Variants in TRIM37 observed in about 807,000 individuals in gnomAD.
The protein encoded by TRIM37 is E3 ubiquitin-protein ligase TRIM37.
Under a neutral mutation model 129.8 loss-of-function variants are expected in TRIM37, and 80 were observed. The ratio of observed to expected loss-of-function variants is 0.62; its 90% CI spans 0.51 to 0.74. The LOEUF is 0.74. Ranked by LOEUF, TRIM37 falls within the 30% of genes least tolerant of loss-of-function variation. The pLI is 0.00. For synonymous variants in TRIM37, 389 were observed against 387.1 expected (o/e 1.00, Z -0.06); for missense variants, 1,054 against 1,176.5 (o/e 0.90, Z 1.52).
At chr17:59,066,971 T>C (rs2041963823) in intron 9 of TRIM37, among the ~76,000 whole-genome samples, 1 of 152,206 alleles carries the variant, frequency 6.6e-6, no homozygotes, top group South Asian at 2.1e-4. Context: ...GAGTTGGAAA[T>C]ATTTGCTCAA....
intron 13 of TRIM37, among the ~76,000 whole-genome samples, chr17:59,055,685 CAA>C (rs934273591): frequency 5.0e-4 from 12 of 23,846 alleles, no homozygotes; most frequent in African/African-American, 1.5e-3. Flanking sequence ...GACTCCATCT[CAA>C]AAAAAAAAAA....
Position 59,064,394 on chromosome 17 carries a change from G to A in TRIM37, c.821C>T (p.Pro274Leu). Residue 274 changes from proline to leucine, a missense_variant, in exon 10 of 24, where the codon CCA becomes CTA. This residue lies in a region of TRIM37 where 752 missense variants were observed against 870.8 expected (regional missense o/e 0.86). Coordinates refer to ENST00000262294, the MANE Select transcript of TRIM37 (RefSeq NM_015294.6). ...VPPDFTSELVPSYDSATFVLE... is the reference protein window; with the variant it reads ...VPPDFTSELVLSYDSATFVLE... Reference sequence around the variant, plus strand: ...AACAAAAGTAGCTGAATCGTAAGATGGCACTAATTCACTAAAAAAAAAAAG... The same window carrying A: ...AACAAAAGTAGCTGAATCGTAAGATAGCACTAATTCACTAAAAAAAAAAAG... The A allele has an allele frequency of 6.3e-7, 1 of 1,594,548 alleles. No individual in the cohort carries two copies. Among genetic ancestry groups the A allele is most frequent in the Non-Finnish European group, 8.5e-7 (1 of 1,170,202 alleles).
intron 23 of TRIM37, among the ~76,000 whole-genome samples, chr17:59,000,374 C>A (rs757820282): frequency 6.6e-6 from 1 of 152,042 alleles, no homozygotes; most frequent in Non-Finnish European, 1.5e-5. Flanking sequence ...CCAAGGTGGG[C>A]AGATCACCTG....
intron 5 of TRIM37, among the ~76,000 whole-genome samples, chr17:59,082,287 A>G (rs894603609): frequency 2.0e-5 from 3 of 152,018 alleles, no homozygotes; most frequent in Non-Finnish European, 2.9e-5. Context: ...ACAAAACAAA[A>G]CAAATAATAA....
intron 9 of TRIM37, 85 bp downstream of exon 9, chr17:59,070,738 T>TAAAA: frequency 8.5e-7 from 1 of 1,177,174 alleles, no homozygotes; most frequent in Admixed American, 2.2e-5. Flanking sequence ...GAGATGGCAT[T>TAAAA]AAAAAAAAAA....
chr17:59,028,836 G>GT (rs1160744595), intron 18 of TRIM37, 113 bp from the exon 19 acceptor site: 6 of 1,063,682 alleles, frequency 5.6e-6, no homozygotes, highest in Non-Finnish European at 8.4e-6. Context: ...GCTTTACGTG[G>GT]TATCAACAAT....
At chr17:59,031,775 T>C in intron 18 of TRIM37, 121 bp downstream of exon 18, 2 of 982,228 alleles carry the variant, frequency 2.0e-6, no homozygotes, top group Non-Finnish European at 3.0e-6. Context: ...TTTTATGGTA[T>C]ACAATGAAAA....
the TRIM37 span, chr17:58,972,159 G>A: frequency 6.2e-7 from 1 of 1,614,040 alleles, no homozygotes; most frequent in Non-Finnish European, 8.5e-7. Context: ...CACAGGAGTG[G>A]TGACTTTCAT....
chr17:59,052,967 C>CAAATCAAATG (rs2040495350), intron 13 of TRIM37, among the ~76,000 whole-genome samples: 1 of 150,834 alleles, frequency 6.6e-6, no homozygotes, highest in Non-Finnish European at 1.5e-5. Context: ...AAAATCAAAT[C>CAAATCAAATG]AAATCAAATC....
downstream of TRIM37, chr17:58,982,095 A>G (rs1290582236): frequency 6.6e-6 from 1 of 152,664 alleles, no homozygotes; most frequent in Non-Finnish European, 1.5e-5. Context: ...AGTATTGTCT[A>G]AAGTGAGCCC....
At position 59,058,953 on chromosome 17, in the gene TRIM37, A is replaced by T. The variant is rs1428664263; in HGVS notation, c.1020-1899T>A. Among the ~76,000 whole-genome samples, 3 of 152,262 alleles carry T rather than the reference A, an allele frequency of 2.0e-5. No individual in the cohort carries two copies. The East Asian group carries it at 5.8e-4, about 29-fold the overall frequency. ...AATTTTCAGGTTTACAAAAAGACAA[A>T]GAAGATAGCCTATAAACTTTTGTGC... On this transcript the variant is annotated intron_variant, in intron 12 of 23. Coordinates refer to ENST00000262294, the MANE Select transcript of TRIM37 (RefSeq NM_015294.6).
intron 17 of TRIM37, among the ~76,000 whole-genome samples, chr17:59,039,120 C>T (rs2145827082): frequency 6.6e-6 from 1 of 152,280 alleles, no homozygotes; most frequent in South Asian, 2.1e-4. Context: ...GTTCAGTCCC[C>T]ACTCCAAAGT....
chr17:59,020,510 A>G (rs1308082572), intron 19 of TRIM37, among the ~76,000 whole-genome samples: 1 of 152,098 alleles, frequency 6.6e-6, no homozygotes, highest in Non-Finnish European at 1.5e-5. Flanking sequence ...AAATTTAAAG[A>G]CCCAAATATA....
chr17:59,084,094 A>C lies in TRIM37; in HGVS notation c.282-5T>G. 1 of 1,603,276 alleles carries C rather than the reference A, an allele frequency of 6.2e-7. No homozygotes were observed. Among genetic ancestry groups the C allele is most frequent in the Non-Finnish European group, 8.5e-7 (1 of 1,171,058 alleles). On this transcript the variant is annotated splice_polypyrimidine_tract_variant and splice_region_variant and intron_variant, in intron 4 of 23. Coordinates refer to ENST00000262294, the MANE Select transcript of TRIM37 (RefSeq NM_015294.6). ...TTTTCATGGTGATTTTCACATCTAT[A>C]CATTATGAAAAGAAAATGAAGTTAT... is the stretch of plus-strand genomic sequence containing the variant.
chr17:59,018,282 A>C (rs2036188022), intron 19 of TRIM37, among the ~76,000 whole-genome samples: 1 of 152,198 alleles, frequency 6.6e-6, no homozygotes, highest in Non-Finnish European at 1.5e-5. Context: ...CTGCCCTTGA[A>C]TTCAGCCTGC....
intron 2 of TRIM37, 21 bp from the exon 3 acceptor site, chr17:59,091,361 A>G (rs752462670): frequency 1.9e-5 from 28 of 1,496,484 alleles, no homozygotes; most frequent in Non-Finnish European, 2.5e-5. Flanking sequence ...AAAAGATTAG[A>G]TATCGATTAG....
At position 59,106,580 on chromosome 17, in the gene TRIM37, GGGCTCTGACAAC is replaced by G; in HGVS notation, c.-131_-120del. 2 of 1,270,080 alleles carry G rather than the reference GGGCTCTGACAAC, an allele frequency of 1.6e-6. No homozygotes were observed. Among genetic ancestry groups the G allele is most frequent in the Non-Finnish European group, 2.2e-6 (2 of 892,780 alleles). 78.7% of individuals were successfully genotyped at this position (1,270,080 alleles called of 1,614,324 possible). A position where few individuals can be genotyped will look rare whatever the true frequency, so the allele number is the denominator to read the frequency against. The stretch of plus-strand genomic sequence containing the variant: ...ATAAAAGCCCGGCGCCCACGTCAGG[GGGCTCTGACAAC>G]CGCCCCACCTGCGCGCCCCATCTCT... On this transcript the variant is annotated 5_prime_UTR_variant, in exon 1 of 24. Transcript: ENST00000262294.
At chr17:59,028,773 A>C (rs376121089) in intron 18 of TRIM37, 50 bp from the exon 19 acceptor site, 8 of 1,592,430 alleles carry the variant, frequency 5.0e-6, no homozygotes, top group Non-Finnish European at 6.9e-6. Context: ...ATATTAATGA[A>C]ATCATTTGTA....
chr17:58,979,085 T>C (rs1425341605), downstream of TRIM37, among the ~76,000 whole-genome samples: 4 of 152,214 alleles, frequency 2.6e-5, 1 homozygote, highest in Middle Eastern at 0.013. Context: ...GATGTCATTC[T>C]GTGAGAGGAC....
Sources: gnomAD v4.1 joint callset for allele counts (sites outside exome capture counted in the v4.1 genomes callset) on GRCh38, gnomAD v4.1.1 for gene constraint, gnomAD v4.1.1 regional missense constraint, MANE v1.5 for transcripts, NCBI Gene and HGNC (gene_info 2026-07-23, HGNC 2026-07-21) for gene names.